Variants in ARB2A observed in about 807,000 individuals in gnomAD.
The protein encoded by ARB2A is cotranscriptional regulator ARB2A.
At chr5:93,772,001 G>A in the ARB2A span, among the ~76,000 whole-genome samples, 2 of 152,180 alleles carry the variant, frequency 1.3e-5, no homozygotes, top group Non-Finnish European at 2.9e-5. Flanking sequence ...AAAGACACAT[G>A]CACACGTATG....
the ARB2A span, among the ~76,000 whole-genome samples, chr5:93,690,177 T>C: frequency 5.9e-5 from 9 of 152,102 alleles, no homozygotes; most frequent in Admixed American, 1.3e-4. Flanking sequence ...CATACCCCAG[T>C]GGCACCTGGA....
the ARB2A span, among the ~76,000 whole-genome samples, chr5:93,898,637 T>C: frequency 6.6e-6 from 1 of 152,074 alleles, no homozygotes; most frequent in Non-Finnish European, 1.5e-5. Context: ...GATATTCATT[T>C]GGTCACCTTT....
At chr5:94,072,358 T>C in the ARB2A span, among the ~76,000 whole-genome samples, 10 of 149,498 alleles carry the variant, frequency 6.7e-5, no homozygotes, top group Non-Finnish European at 1.3e-4. Context: ...CCAAACACAC[T>C]CACACACACA....
At chr5:93,744,471 C>CTA in the ARB2A span, among the ~76,000 whole-genome samples, 1 of 102,460 alleles carries the variant, frequency 9.8e-6, no homozygotes, top group African/African-American at 4.5e-5. Context: ...AAAAGTAAGG[C>CTA]TATATATTAA....
the ARB2A span, among the ~76,000 whole-genome samples, chr5:94,034,051 C>T: frequency 6.6e-6 from 1 of 152,182 alleles, no homozygotes; most frequent in African/African-American, 2.4e-5. Flanking sequence ...CTTTATGATG[C>T]AGCATGAGGC....
the ARB2A span, among the ~76,000 whole-genome samples, chr5:93,637,606 G>A: frequency 1.3e-5 from 2 of 152,100 alleles, no homozygotes; most frequent in African/African-American, 4.8e-5. Flanking sequence ...AGCAATCTAT[G>A]AGCAATCCAG....
At chr5:93,855,241 T>C in the ARB2A span, among the ~76,000 whole-genome samples, 1 of 152,194 alleles carries the variant, frequency 6.6e-6, no homozygotes, top group African/African-American at 2.4e-5. Context: ...TTGATCTTAG[T>C]TGGTTTAAAG....
At chr5:93,729,639 T>C in the ARB2A span, among the ~76,000 whole-genome samples, 1 of 152,090 alleles carries the variant, frequency 6.6e-6, no homozygotes, top group East Asian at 1.9e-4. Flanking sequence ...ACAACATAAA[T>C]GAGAAATCAA....
the ARB2A span, among the ~76,000 whole-genome samples, chr5:93,793,445 T>G: frequency 6.6e-6 from 1 of 151,800 alleles, no homozygotes; most frequent in Admixed American, 6.6e-5. Flanking sequence ...ATATCCTGTA[T>G]TTTTTTCTTC....
chr5:93,760,078 C>T, the ARB2A span, among the ~76,000 whole-genome samples: 5,416 of 152,194 alleles, frequency 0.036, 155 homozygotes, highest in East Asian at 0.13. Flanking sequence ...GTACACAAAT[C>T]GGTAGCTCTT....
At chr5:93,803,123 A>C in the ARB2A span, among the ~76,000 whole-genome samples, 1 of 152,072 alleles carries the variant, frequency 6.6e-6, no homozygotes, top group Non-Finnish European at 1.5e-5. Flanking sequence ...GGTGATAGTG[A>C]AAAGTCAAAT....
At chr5:93,875,173 G>A in the ARB2A span, among the ~76,000 whole-genome samples, 2 of 151,868 alleles carry the variant, frequency 1.3e-5, no homozygotes, top group African/African-American at 4.8e-5. Context: ...GTGCAGGGGT[G>A]TTAACTTGAG....
the ARB2A span, chr5:93,881,576 C>T: frequency 3.4e-5 from 54 of 1,610,880 alleles, no homozygotes; most frequent in Non-Finnish European, 4.3e-5. Flanking sequence ...TTTTCTTTCC[C>T]GTTTTTCTGC....
the ARB2A span, among the ~76,000 whole-genome samples, chr5:94,083,116 A>G: frequency 6.6e-6 from 1 of 152,354 alleles, no homozygotes; most frequent in South Asian, 2.1e-4. Flanking sequence ...TACAGGAAAT[A>G]AACTCTGTGA....
the ARB2A span, among the ~76,000 whole-genome samples, chr5:94,028,564 C>T: frequency 6.6e-6 from 1 of 152,196 alleles, no homozygotes; most frequent in African/African-American, 2.4e-5. Flanking sequence ...AAACTATCCT[C>T]ACTCACATAC....
the ARB2A span, among the ~76,000 whole-genome samples, chr5:93,802,216 G>C: frequency 6.6e-6 from 1 of 151,952 alleles, no homozygotes; most frequent in Non-Finnish European, 1.5e-5. Flanking sequence ...AGACAAATTA[G>C]GTATCTAGAG....
At chr5:94,056,915 T>C in the ARB2A span, among the ~76,000 whole-genome samples, 12 of 152,176 alleles carry the variant, frequency 7.9e-5, no homozygotes, top group Non-Finnish European at 1.5e-4. Context: ...TCTGAATGGG[T>C]AGACTTAGTA....
chr5:93,969,983 G>A, the ARB2A span, among the ~76,000 whole-genome samples: 1 of 151,862 alleles, frequency 6.6e-6, no homozygotes, highest in Non-Finnish European at 1.5e-5. Flanking sequence ...GCATAGGTAA[G>A]GTAAATAATA....
At chr5:93,969,530 C>G in the ARB2A span, among the ~76,000 whole-genome samples, 28 of 151,990 alleles carry the variant, frequency 1.8e-4, no homozygotes, top group Non-Finnish European at 3.4e-4. Flanking sequence ...TACAGTAATG[C>G]CCTCAAGGAA....
Sources: gnomAD v4.1 joint callset for allele counts (sites outside exome capture counted in the v4.1 genomes callset) on GRCh38, gnomAD v4.1.1 for gene constraint, MANE v1.5 for transcripts, NCBI Gene and HGNC (gene_info 2026-07-23, HGNC 2026-07-21) for gene names.